The following DAB1 variants were observed in gnomAD, a reference collection of about 807,000 sequenced individuals.
DAB1 encodes disabled homolog 1.
In DAB1, 15 loss-of-function variants were observed where a neutral mutation model predicts 64.6. That is an observed-to-expected ratio of 0.23 (90% CI 0.16 to 0.36). The LOEUF (loss-of-function observed/expected upper bound fraction) is 0.36. Ranked by LOEUF, DAB1 falls within the 10% of genes least tolerant of loss-of-function variation. DAB1 has a pLI of 1.00. For missense variants in DAB1, 596 were observed against 706.7 expected, an observed-to-expected ratio of 0.84 and a Z score of 1.78; for synonymous variants, 235 against 251.9, an observed-to-expected ratio of 0.93 and a Z score of 0.64.
At chr1:57,273,305 C>T (rs1042238532) in intron 2 of DAB1, among the ~76,000 whole-genome samples, 2 of 152,162 alleles carry the variant, frequency 1.3e-5, no homozygotes, top group South Asian at 2.1e-4. Flanking sequence ...ATTCTACCTG[C>T]TACATTCAGA....
chr1:57,281,424 A>G (rs905088767), intron 2 of DAB1, among the ~76,000 whole-genome samples: 11 of 152,218 alleles, frequency 7.2e-5, no homozygotes, highest in Non-Finnish European at 7.3e-5. Context: ...AGGAGAAGAA[A>G]AAACATGTAC....
At chr1:57,110,687 G>A (rs775268168) in intron 4 of DAB1, among the ~76,000 whole-genome samples, 30 of 152,224 alleles carry the variant, frequency 2.0e-4, no homozygotes, top group Non-Finnish European at 3.7e-4. Flanking sequence ...ACAATCTTTC[G>A]TGAGGCACAC....
chr1:57,165,221 CG>C (rs1297279182), intron 2 of DAB1, among the ~76,000 whole-genome samples: 2 of 151,788 alleles, frequency 1.3e-5, no homozygotes, highest in Non-Finnish European at 2.9e-5. Context: ...CTTTTTTTGT[CG>C]CCTTTCTGCA....
chr1:57,889,900 GGGGGGGGGGGA>G lies in DAB1; in HGVS notation n.388-5749_388-5739del, dbSNP rs1557539228. On this transcript the variant is annotated intron_variant and non_coding_transcript_variant, in intron 5 of 20. Transcript: ENST00000485760. ...CGCAGATGGTAGCACAAACTGGGGC[GGGGGGGGGGGA>G]GGGGGAAGAAATCACTGGAGTAGAG... 1.8e-3 allele frequency among the ~76,000 whole-genome samples: 111 copies of G among 60,568 alleles called. 4 individuals are homozygous for G. Among genetic ancestry groups the G allele is most frequent in the African/African-American group, 6.8e-3 (108 of 15,784 alleles). The allele number at this position is 60,568 out of a possible 152,430, so 39.7% of individuals were successfully genotyped here.
intron 7 of DAB1, among the ~76,000 whole-genome samples, chr1:57,576,060 C>T (rs1283548091): frequency 6.6e-6 from 1 of 152,146 alleles, no homozygotes; most frequent in Admixed American, 6.5e-5. Context: ...ATTTTTTTGA[C>T]CCTATGATTG....
At chr1:57,741,225 TTC>T (rs1647974940) in intron 6 of DAB1, among the ~76,000 whole-genome samples, 1 of 152,238 alleles carries the variant, frequency 6.6e-6, no homozygotes, top group African/African-American at 2.4e-5. Context: ...AAAATAAATC[TTC>T]TGTTTCCTCT....
At chr1:57,115,170 A>T (rs1192209589) in intron 4 of DAB1, among the ~76,000 whole-genome samples, 1 of 152,134 alleles carries the variant, frequency 6.6e-6, no homozygotes, top group African/African-American at 2.4e-5. Context: ...ATCTCCAGTG[A>T]GTGTAGCATT....
intron 6 of DAB1, among the ~76,000 whole-genome samples, chr1:57,787,550 T>C (rs1171233433): frequency 6.6e-6 from 1 of 151,970 alleles, no homozygotes; most frequent in Non-Finnish European, 1.5e-5. Context: ...AAATCTAAGA[T>C]TATAAAACTT....
At chr1:57,155,981 C>T (rs1020966571) in intron 2 of DAB1, among the ~76,000 whole-genome samples, 1 of 152,060 alleles carries the variant, frequency 6.6e-6, no homozygotes, top group Non-Finnish European at 1.5e-5. Flanking sequence ...AATTTGACTT[C>T]TTCCATCCCA....
chr1:57,303,987 C>A (rs916581354), intron 1 of DAB1, among the ~76,000 whole-genome samples: 3 of 152,154 alleles, frequency 2.0e-5, no homozygotes, highest in African/African-American at 7.2e-5. Flanking sequence ...CTCTGATGCA[C>A]GTAACTATAC....
chr1:57,185,921 G>A (rs1663509024), intron 2 of DAB1, among the ~76,000 whole-genome samples: 2 of 152,038 alleles, frequency 1.3e-5, no homozygotes, highest in East Asian at 1.9e-4. Context: ...GCAGAACCGT[G>A]GACAATTTTT....
chr1:58,542,613 G>A (rs576002873), intron 1 of DAB1: 19 of 152,298 alleles, frequency 1.2e-4, no homozygotes, highest in African/African-American at 4.1e-4. Flanking sequence ...ATGGGAAAGT[G>A]TTTTAAGGTT....
At chr1:58,340,085 G>C (rs1663214443) in intron 4 of DAB1, among the ~76,000 whole-genome samples, 1 of 152,146 alleles carries the variant, frequency 6.6e-6, no homozygotes, top group Non-Finnish European at 1.5e-5. Flanking sequence ...TAAAAAATAA[G>C]GAGAGAGCTA....
chr1:57,441,282 CTTTCTTTCTTTCTTTCTT>C lies in DAB1; in HGVS notation n.626-150134_626-150117del, dbSNP rs1558383737. On this transcript the variant is annotated intron_variant and non_coding_transcript_variant, in intron 7 of 20. Transcript: ENST00000485760. ...TTCTTTTCTTTCTTTCTCTTTCTTTCTTTCTTTCTTTCTTTCTTTCTTTCTTTCTTTCTTTCTTCTTTC... is the reference window on the plus strand; with the variant it reads ...TTCTTTTCTTTCTTTCTCTTTCTTTCTCTTTCTTTCTTTCTTTCTTCTTTC... 7.9e-3 allele frequency among the ~76,000 whole-genome samples: 291 copies of C among 37,036 alleles called. 2 individuals are homozygous for C. Among genetic ancestry groups the C allele is most frequent in the Non-Finnish European group, 0.018 (223 of 12,676 alleles). 24.3% of individuals were successfully genotyped at this position (37,036 alleles called of 152,430 possible). A position where few individuals can be genotyped will look rare whatever the true frequency, so the allele number is the denominator to read the frequency against.
chr1:58,240,737 T>C (rs577005), intron 4 of DAB1, among the ~76,000 whole-genome samples: 83,960 of 152,034 alleles, frequency 0.55, 24,232 homozygotes, highest in Non-Finnish European at 0.66. Flanking sequence ...ACTTTATTCA[T>C]AGGAATGGCA....
At chr1:57,349,316 T>G (rs1446971617) in intron 1 of DAB1, among the ~76,000 whole-genome samples, 1 of 152,188 alleles carries the variant, frequency 6.6e-6, no homozygotes, top group Non-Finnish European at 1.5e-5. Context: ...CTTGCTTTTG[T>G]AAAATGCCCA....
intron 4 of DAB1, among the ~76,000 whole-genome samples, chr1:58,340,862 C>T (rs1643923171): frequency 6.6e-6 from 1 of 152,158 alleles, no homozygotes; most frequent in Non-Finnish European, 1.5e-5. Flanking sequence ...GCATTGTCTT[C>T]CATAAGCAGA....
At chr1:57,621,491 C>T (rs1156335449) in intron 7 of DAB1, among the ~76,000 whole-genome samples, 2 of 151,938 alleles carry the variant, frequency 1.3e-5, no homozygotes, top group Non-Finnish European at 2.9e-5. Flanking sequence ...CTGGGGCTTA[C>T]TCAGGATTTC....
intron 5 of DAB1, among the ~76,000 whole-genome samples, chr1:57,981,686 T>A (rs999101604): frequency 6.6e-6 from 1 of 152,204 alleles, no homozygotes; most frequent in African/African-American, 2.4e-5. Flanking sequence ...ATATCCTGAA[T>A]GACATGGCAA....
Sources: allele counts gnomAD v4.1 joint callset (sites outside exome capture counted in the v4.1 genomes callset), GRCh38; gene constraint gnomAD v4.1.1; transcripts MANE v1.5; gene names NCBI Gene and HGNC (gene_info 2026-07-23, HGNC 2026-07-21).